IQCH: variants seen among roughly 807,000 people sequenced by gnomAD.
IQCH encodes IQ domain-containing protein H.
Under a neutral mutation model 117.0 loss-of-function variants are expected in IQCH, and 98 were observed. The observed-to-expected ratio is 0.84, with a 90% CI of 0.71 to 0.99. IQCH has a LOEUF of 0.99. Ranked by LOEUF, IQCH falls within the 50% of genes least tolerant of loss-of-function variation. The pLI, the probability that IQCH is intolerant of heterozygous loss-of-function variation, is 0.00. For missense variants in IQCH, 1,102 were observed against 1,243.8 expected, an observed-to-expected ratio of 0.89 and a Z score of 1.72; for synonymous variants, 412 against 448.2, an observed-to-expected ratio of 0.92 and a Z score of 1.02.
intron 17 of IQCH, among the ~76,000 whole-genome samples, chr15:67,471,203 T>C (rs1325153745): frequency 6.6e-6 from 1 of 152,164 alleles, no homozygotes; most frequent in African/African-American, 2.4e-5. Context: ...TTAAGGTATA[T>C]CTTAGAATAC....
chr15:67,448,909 C>G (rs548902932), intron 16 of IQCH, among the ~76,000 whole-genome samples: 1 of 152,068 alleles, frequency 6.6e-6, no homozygotes, highest in East Asian at 1.9e-4. Flanking sequence ...GACTAATGAT[C>G]GCCATTCTAA....
intron 3 of IQCH, among the ~76,000 whole-genome samples, chr15:67,278,567 C>T (rs1966223221): frequency 6.6e-6 from 1 of 152,222 alleles, no homozygotes; most frequent in African/African-American, 2.4e-5. Context: ...CCTGTGATCT[C>T]AATTCTCTGA....
chr15:67,347,385 A>G (rs544038609), intron 6 of IQCH, among the ~76,000 whole-genome samples: 51 of 152,244 alleles, frequency 3.3e-4, no homozygotes, highest in Admixed American at 2.9e-3. Flanking sequence ...ATGATAAGAG[A>G]ACATTATAAA....
At chr15:67,409,961 T>G (rs1027178582) in intron 14 of IQCH, among the ~76,000 whole-genome samples, 7 of 152,226 alleles carry the variant, frequency 4.6e-5, no homozygotes, top group African/African-American at 1.7e-4. Context: ...GGAAGTAGTT[T>G]ATGACTTGCC....
Position 67,406,976 on chromosome 15 carries a change from T to G in IQCH, c.2097+6671T>G, listed in dbSNP as rs528080423. 6.6e-6 allele frequency: 1 copy of G among 152,360 alleles called. No homozygotes were observed. Among genetic ancestry groups the G allele is most frequent in the East Asian group, 1.9e-4 (1 of 5,190 alleles). The allele number at this position is 152,360 out of a possible 1,614,324, so 9.4% of individuals were successfully genotyped here. Reference sequence around the variant, plus strand: ...CAAAATACAGGTAACATTGAACAAGTACATACAACTTAATCTTTCTTTGGT... The same window carrying G: ...CAAAATACAGGTAACATTGAACAAGGACATACAACTTAATCTTTCTTTGGT... On this transcript the variant is annotated intron_variant, in intron 14 of 20. Coordinates refer to ENST00000335894, the MANE Select transcript of IQCH (RefSeq NM_001031715.3). This position sits in a 1 kb window ranked among gnomAD's most constrained non-coding sequence, Gnocchi z 4.5.
chr15:67,349,921 G>A (rs1056808843), intron 6 of IQCH, among the ~76,000 whole-genome samples: 1 of 152,214 alleles, frequency 6.6e-6, no homozygotes. Flanking sequence ...CTTGTTGGTA[G>A]GGATGCAAAA....
rs1416162682 is a variant in IQCH at position 67,384,836 on chromosome 15, T to G, written c.1373-100T>G. On this transcript the variant is annotated intron_variant, in intron 10 of 20. Coordinates refer to ENST00000335894, the MANE Select transcript of IQCH (RefSeq NM_001031715.3). The surrounding 1 kb of genome is among the most constrained non-coding windows in gnomAD (Gnocchi z 4.3). ...CTGTAAGATGCTTCAGAGAAAATTT[T>G]TTCCTGGAAATATGGACTGTGACAT... The G allele has an allele frequency of 6.5e-6, 5 of 774,480 alleles. No individual in the cohort carries two copies. Among genetic ancestry groups the G allele is most frequent in the Non-Finnish European group, 1.1e-5 (5 of 443,762 alleles). 48.0% of individuals were successfully genotyped at this position (774,480 alleles called of 1,614,324 possible).
At chr15:67,337,503 G>A (rs1303546218) in intron 5 of IQCH, among the ~76,000 whole-genome samples, 1 of 152,118 alleles carries the variant, frequency 6.6e-6, no homozygotes, top group African/African-American at 2.4e-5. Flanking sequence ...AATGTAATTA[G>A]TGTTTAAACT....
chr15:67,489,516 C>CCTGGGTGAGGTCAGGAGTTCAAGAT (rs1480496754), intron 18 of IQCH, among the ~76,000 whole-genome samples: 2 of 6,864 alleles, frequency 2.9e-4, no homozygotes, highest in African/African-American at 1.6e-3. Context: ...AGGCTGGCCT[C>CCTGGGTGAGGTCAGGAGTTCAAGAT]CTGGGCTCAC....
chr15:67,499,648 A>G (rs2083925638), intron 20 of IQCH, among the ~76,000 whole-genome samples: 1 of 152,228 alleles, frequency 6.6e-6, no homozygotes, highest in Admixed American at 6.5e-5. Flanking sequence ...AAATGTGTAC[A>G]TTAATGTTAA....
intron 10 of IQCH, among the ~76,000 whole-genome samples, chr15:67,380,870 G>T (rs1970906026): frequency 6.6e-6 from 1 of 152,182 alleles, no homozygotes; most frequent in Admixed American, 6.6e-5. Flanking sequence ...AGGCATGAAT[G>T]ACTACCATCC....
rs967811994 is a variant in IQCH at position 67,454,881 on chromosome 15, C to T, written c.2506-10246C>T. Among the ~76,000 whole-genome samples, 16 of 152,110 alleles carry T rather than the reference C, an allele frequency of 1.1e-4. No homozygotes were observed. Among genetic ancestry groups the T allele is most frequent in the African/African-American group, 2.7e-4 (11 of 41,412 alleles). ...CAATGGACATTCATATAAAAGTGTT[C>T]GCATAAACATGTGTTTTCATTTGTC... On this transcript the variant is annotated intron_variant, in intron 16 of 20. Coordinates refer to ENST00000335894, the MANE Select transcript of IQCH (RefSeq NM_001031715.3). This position sits in a 1 kb window ranked among gnomAD's most constrained non-coding sequence, Gnocchi z 5.2.
chr15:67,346,700 A>C (rs749251872), intron 6 of IQCH, among the ~76,000 whole-genome samples: 1 of 152,182 alleles, frequency 6.6e-6, no homozygotes, highest in Non-Finnish European at 1.5e-5. Flanking sequence ...ATAGAACGGT[A>C]TTATAGGCCA....
chr15:67,480,881 T>G (rs2083321318), intron 18 of IQCH, among the ~76,000 whole-genome samples: 1 of 151,998 alleles, frequency 6.6e-6, no homozygotes, highest in South Asian at 2.1e-4. Flanking sequence ...CCGACTGCAT[T>G]TGGCAAGGTA....
intron 3 of IQCH, among the ~76,000 whole-genome samples, chr15:67,264,478 T>C (rs2140437880): frequency 6.6e-6 from 1 of 152,328 alleles, no homozygotes; most frequent in East Asian, 1.9e-4. Flanking sequence ...AAAGATCTGC[T>C]TCCAAGCTCA....
intron 3 of IQCH, among the ~76,000 whole-genome samples, chr15:67,275,828 C>T (rs1012897410): frequency 1.2e-4 from 19 of 152,250 alleles, no homozygotes; most frequent in South Asian, 1.0e-3. Context: ...TGCAGTGAGC[C>T]GTGATTGTGC....
intron 18 of IQCH, among the ~76,000 whole-genome samples, chr15:67,483,717 A>AGG (rs2083400021): frequency 6.6e-6 from 1 of 152,136 alleles, no homozygotes; most frequent in Non-Finnish European, 1.5e-5. Context: ...CCTGGAGTTC[A>AGG]AAACTGTCAA....
intron 6 of IQCH, 55 bp from the exon 7 acceptor site, chr15:67,357,290 C>A: frequency 8.3e-7 from 1 of 1,200,812 alleles, no homozygotes; most frequent in Non-Finnish European, 1.2e-6. Context: ...AGCATCCAAC[C>A]AGTGACTCAG....
chr15:67,336,281 AC>A (rs759652626), intron 4 of IQCH, among the ~76,000 whole-genome samples: 8 of 152,136 alleles, frequency 5.3e-5, no homozygotes, highest in Non-Finnish European at 8.8e-5. Flanking sequence ...TGCTGAGAGA[AC>A]CCAGGTAATT....
Sources: gnomAD v4.1 joint callset for allele counts (sites outside exome capture counted in the v4.1 genomes callset) on GRCh38, gnomAD v4.1.1 for gene constraint, Gnocchi (gnomAD v3.1) non-coding constraint, MANE v1.5 for transcripts, NCBI Gene and HGNC (gene_info 2026-07-23, HGNC 2026-07-21) for gene names.